The following PLCB2 variants were observed in gnomAD, a reference collection of about 807,000 sequenced individuals.
The protein encoded by PLCB2 is phospholipase C beta 2, also known as 1-phosphatidylinositol 4,5-bisphosphate phosphodiesterase beta-2.
PLCB2 carries 115 observed loss-of-function variants against 141.7 expected under a neutral mutation model. The observed-to-expected ratio is 0.81, with a 90% confidence interval of 0.70 to 0.95. PLCB2 has a LOEUF of 0.95. Among genes scored for constraint, PLCB2 ranks in the 40% least tolerant of loss-of-function variants. The probability of loss-of-function intolerance (pLI) is 0.00; values close to 1 mark genes in which losing one functional copy is unlikely to be tolerated. For synonymous variants in PLCB2, 603 were observed against 595.6 expected (o/e 1.01, Z -0.18); for missense variants, 1,403 against 1,541.1 (o/e 0.91, Z 1.50).
Position 40,307,744 on chromosome 15 carries a change from A to C in PLCB2, c.-72T>G. ...CAGAAGGGCAGGAAGGAGGCCAGCC[A>C]GGAGGGGGAGCCAAGCTGGGCTCAA... On this transcript the variant is annotated 5_prime_UTR_variant, in exon 1 of 32. Transcript: ENST00000260402. 7.5e-7 allele frequency: 1 copy of C among 1,332,022 alleles called. No homozygotes were observed. Among genetic ancestry groups the C allele is most frequent in the Non-Finnish European group, 1.0e-6 (1 of 973,736 alleles). The allele number at this position is 1,332,022 out of a possible 1,614,324, so 82.5% of individuals were successfully genotyped here.
chr15:40,307,233 G>A lies in PLCB2; in HGVS notation c.84+356C>T, dbSNP rs146988978. 4.7e-3 allele frequency among the ~76,000 whole-genome samples: 720 copies of A among 152,252 alleles called. 9 individuals are homozygous for A. Among genetic ancestry groups the A allele is most frequent in the African/African-American group, 0.016 (666 of 41,534 alleles). ...AGGGCAAGACATCTGTGCTGGGAGC[G>A]GGGACGAGCTCACCTCTCCTCCTAG... On this transcript the variant is annotated intron_variant, in intron 1 of 31. Transcript: ENST00000260402.
Position 40,293,689 on chromosome 15 carries a change from C to T in PLCB2, c.2097G>A (p.Val699=). Residue 699 remains valine, a synonymous_variant, in exon 20 of 32, where the codon GTG becomes GTA. Coordinates refer to ENST00000260402, the MANE Select transcript of PLCB2 (RefSeq NM_004573.3). ...ACAGCTCCACTTCTACATAGGTGCG[C>T]ACGCTGCGTTCTGACAGGAACTGCC... ...ISGQFLSERS[V]RTYVEVELFG... 1.9e-6 allele frequency: 3 copies of T among 1,614,000 alleles called. No individual in the cohort carries two copies. Among genetic ancestry groups the T allele is most frequent in the South Asian group, 1.1e-5 (1 of 91,072 alleles).
In PLCB2 at chr15:40,297,475, G is replaced by T; in HGVS notation, c.1323+46C>A. The T allele has an allele frequency of 6.8e-7, 1 of 1,464,806 alleles. No homozygotes were observed. Among genetic ancestry groups the T allele is most frequent in the Non-Finnish European group, 9.6e-7 (1 of 1,043,570 alleles). 90.7% of individuals were successfully genotyped at this position (1,464,806 alleles called of 1,614,324 possible). On this transcript the variant is annotated intron_variant, in intron 13 of 31. Coordinates refer to ENST00000260402, the MANE Select transcript of PLCB2 (RefSeq NM_004573.3). The surrounding 1 kb of genome is among the most constrained non-coding windows in gnomAD (Gnocchi z 4.2). ...TAACCTGGTTCTCACCCTGCCCCAG[G>T]TTCCCAGGCCCAAGGCTCAAATGTC...
intron 11 of PLCB2, 85 bp downstream of exon 11, chr15:40,298,138 C>A: frequency 7.1e-7 from 1 of 1,416,858 alleles, no homozygotes; most frequent in Non-Finnish European, 9.6e-7. Context: ...TCTTCTCTAG[C>A]TTCAGCCCTC....
chr15:40,306,363 G>A (rs2040795888), intron 1 of PLCB2, among the ~76,000 whole-genome samples: 1 of 152,112 alleles, frequency 6.6e-6, no homozygotes, highest in Non-Finnish European at 1.5e-5. Flanking sequence ...AGGTACACAG[G>A]TGCCAGCTTA....
rs760537977 is a variant in PLCB2, at chr15:40,288,680, A to T, written c.*35T>A. 35 of 1,535,372 alleles carry T rather than the reference A, an allele frequency of 2.3e-5. No homozygotes were observed. In the Middle Eastern group the frequency reaches 7.0e-4, roughly 31 times the overall value. The stretch of plus-strand genomic sequence containing the variant: ...AACCACATCCCAGAGAAGGGGCTGA[A>T]CCTCCTTGCTAAATGTCCCAGTGGG... On this transcript the variant is annotated 3_prime_UTR_variant, in exon 32 of 32. Coordinates refer to ENST00000260402, the MANE Select transcript of PLCB2 (RefSeq NM_004573.3).
downstream of PLCB2, chr15:40,285,576 G>T (rs1261740351): frequency 1.0e-6 from 1 of 985,168 alleles, no homozygotes; most frequent in East Asian, 1.1e-4. Context: ...CCCCCTTCTG[G>T]GGTGGCCCCC....
rs562535734 is a variant in PLCB2 at position 40,288,156 on chromosome 15, G to A, written c.*559C>T. On this transcript the variant is annotated 3_prime_UTR_variant, in exon 32 of 32. Coordinates refer to ENST00000260402, the MANE Select transcript of PLCB2 (RefSeq NM_004573.3). ...GGCAGCTTTTCCATTTCAGCCTCCC[G>A]TTCCGGACAGGCAGAGGGGAGGGGA... is the stretch of plus-strand genomic sequence containing the variant. The A allele has an allele frequency of 8.4e-5, 83 of 985,608 alleles. No individual in the cohort carries two copies. The African/African-American group carries it at 1.1e-3, about 13-fold the overall frequency. 61.1% of individuals were successfully genotyped at this position (985,608 alleles called of 1,614,324 possible).
rs757227238 is a variant in PLCB2, at chr15:40,291,666, G to A, written c.2603-16C>T. The A allele has an allele frequency of 1.2e-6, 2 of 1,612,058 alleles. No homozygotes were observed. The highest frequency in any genetic ancestry group is 1.1e-5 in the South Asian group (1 of 90,904). On this transcript the variant is annotated splice_polypyrimidine_tract_variant and intron_variant, in intron 24 of 31. Transcript: ENST00000260402. ...GCCCTGGCTGCTGCAAGAGCCACGG[G>A]CTGGGCTGTCAGGTGCTCTGGGGGG...
At position 40,297,741 on chromosome 15, in the gene PLCB2, C is replaced by G. The variant is rs2040298922; in HGVS notation, c.1238+136G>C. Reference sequence around the variant, plus strand: ...GGGACTCGAGCAGGAGAACATGAGGCCTTAGGGTGATTATACTGAGACGTG... The same window carrying G: ...GGGACTCGAGCAGGAGAACATGAGGGCTTAGGGTGATTATACTGAGACGTG... On this transcript the variant is annotated intron_variant, in intron 12 of 31. Transcript: ENST00000260402. The surrounding 1 kb of genome is among the most constrained non-coding windows in gnomAD (Gnocchi z 4.2). 3.2e-6 allele frequency: 3 copies of G among 942,298 alleles called. No individual in the cohort carries two copies. The highest frequency in any genetic ancestry group is 5.1e-6 in the Non-Finnish European group (3 of 593,778). 58.4% of individuals were successfully genotyped at this position (942,298 alleles called of 1,614,324 possible).
Position 40,288,172 on chromosome 15 carries a change from G to A in PLCB2, c.*543C>T, listed in dbSNP as rs2039656392. ...CAGCCTCCCGTTCCGGACAGGCAGA[G>A]GGGAGGGGAGGGCCCTCAGCCAGGG... is the stretch of plus-strand genomic sequence containing the variant. On this transcript the variant is annotated 3_prime_UTR_variant, in exon 32 of 32. Transcript: ENST00000260402. The A allele has an allele frequency of 1.0e-6, 1 of 985,530 alleles. No homozygotes were observed. Among genetic ancestry groups the A allele is most frequent in the Non-Finnish European group, 1.2e-6 (1 of 830,084 alleles). The allele number at this position is 985,530 out of a possible 1,614,324, so 61.0% of individuals were successfully genotyped here.
chr15:40,302,393 C>A (rs757989413), intron 4 of PLCB2, 44 bp from the exon 5 acceptor site: 1 of 1,611,082 alleles, frequency 6.2e-7, no homozygotes, highest in Non-Finnish European at 8.5e-7. Context: ...TGAGCACCCC[C>A]GCCCAGGCCT....
Position 40,302,261 on chromosome 15 carries a change from G to A in PLCB2, c.452+9C>T, listed in dbSNP as rs2141158047. The stretch of plus-strand genomic sequence containing the variant: ...GCACCAGGGCTCAGGCCAGGCAGAG[G>A]GCACTTACATCTTGTCCAGGAAGGT... On this transcript the variant is annotated intron_variant, in intron 5 of 31. Transcript: ENST00000260402. 2 of 1,614,172 alleles carry A rather than the reference G, an allele frequency of 1.2e-6. No individual in the cohort carries two copies. The highest frequency in any genetic ancestry group is 4.5e-5 in the East Asian group (2 of 44,884).
rs1555393337 is a variant in PLCB2, at chr15:40,298,208, T to G, written c.1155+15A>C. ...CTACTGCCACGGCCACCAGCCTCTG[T>G]GCCCAGGGTCTCACTTTGAAGAAGA... On this transcript the variant is annotated intron_variant, in intron 11 of 31. Transcript: ENST00000260402. 6.5e-7 allele frequency: 1 copy of G among 1,539,180 alleles called. No individual in the cohort carries two copies. The highest frequency in any genetic ancestry group is 8.8e-7 in the Non-Finnish European group (1 of 1,140,724).
At position 40,307,636 on chromosome 15, in the gene PLCB2, C is replaced by T. The variant is rs1206105021; in HGVS notation, c.37G>A (p.Val13Met). 4 of 1,584,840 alleles carry T rather than the reference C, an allele frequency of 2.5e-6. No homozygotes were observed. The highest frequency in any genetic ancestry group is 1.7e-6 in the Non-Finnish European group (2 of 1,163,786). The change falls in exon 1 of 32, where the codon GTG becomes ATG. Residue 13 changes from valine (V) to methionine (M), a missense_variant. By Grantham distance (21) the Val-to-Met change is conservative. Coordinates refer to ENST00000260402, the MANE Select transcript of PLCB2 (RefSeq NM_004573.3). ...LLNPVLLPPK[V>M]KAYLSQGERF... ...TCCCCTTGGCTCAGATAGGCCTTCA[C>T]CTTGGGGGGCAGCAGGACAGGGTTG...
rs747267080 is a variant in PLCB2, at chr15:40,297,646, C to T, written c.1239-41G>A. Reference sequence around the variant, plus strand: ...GCGGGGATGGGGTTCAGCCGCTCAGCACCAACCCTATTATGCATCCTTTTG... The same window carrying T: ...GCGGGGATGGGGTTCAGCCGCTCAGTACCAACCCTATTATGCATCCTTTTG... On this transcript the variant is annotated intron_variant, in intron 12 of 31. Coordinates refer to ENST00000260402, the MANE Select transcript of PLCB2 (RefSeq NM_004573.3). This position sits in a 1 kb window ranked among gnomAD's most constrained non-coding sequence, Gnocchi z 4.2. The T allele has an allele frequency of 5.4e-5, 82 of 1,516,978 alleles. No homozygotes were observed. In the African/African-American group the frequency reaches 1.1e-3, roughly 19 times the overall value. 94.0% of individuals were successfully genotyped at this position (1,516,978 alleles called of 1,614,324 possible). A position where few individuals can be genotyped will look rare whatever the true frequency, so the allele number is the denominator to read the frequency against.
intron 11 of PLCB2, 128 bp downstream of exon 11, chr15:40,298,095 G>A: frequency 8.3e-7 from 1 of 1,201,916 alleles, no homozygotes; most frequent in Non-Finnish European, 1.2e-6. Flanking sequence ...ATCCCTGCTG[G>A]TCCCCAATGG....
rs1340189314 is a variant in PLCB2 at position 40,290,848 on chromosome 15, A to G, written c.3037-11T>C. On this transcript the variant is annotated splice_polypyrimidine_tract_variant and intron_variant, in intron 27 of 31. Transcript: ENST00000260402. Reference sequence around the variant, plus strand: ...CATTTTGGAGATTTGCTGCAGGGAGAGGAAGTAAGCTTGGCGAGAAGCCCT... The same window carrying G: ...CATTTTGGAGATTTGCTGCAGGGAGGGGAAGTAAGCTTGGCGAGAAGCCCT... 1 of 1,577,756 alleles carries G rather than the reference A, an allele frequency of 6.3e-7. No individual in the cohort carries two copies. Among genetic ancestry groups the G allele is most frequent in the East Asian group, 2.3e-5 (1 of 43,188 alleles).
chr15:40,300,712 A>G (rs1474591930), intron 7 of PLCB2: 1 of 152,276 alleles, frequency 6.6e-6, no homozygotes, highest in African/African-American at 2.4e-5. Context: ...AGGCAAATCT[A>G]TAGAAATAGA....
Sources: allele counts gnomAD v4.1 joint callset (sites outside exome capture counted in the v4.1 genomes callset), GRCh38; gene constraint gnomAD v4.1.1; non-coding constraint Gnocchi (gnomAD v3.1); transcripts MANE v1.5; gene names NCBI Gene and HGNC (gene_info 2026-07-23, HGNC 2026-07-21).